The following SPTBN4 variants were observed in gnomAD, a reference collection of about 807,000 sequenced individuals.
SPTBN4 encodes the protein spectrin beta, non-erythrocytic 4, also known as spectrin beta chain, non-erythrocytic 4.
Under a neutral mutation model 277.8 loss-of-function variants are expected in SPTBN4, and 96 were observed. The ratio of observed to expected loss-of-function variants is 0.35; its 90% CI spans 0.29 to 0.41. The LOEUF (loss-of-function observed/expected upper bound fraction) is 0.41. SPTBN4 is among the 10% of genes least tolerant of loss of function. The pLI is 1.00. For missense variants in SPTBN4, 3,006 were observed against 3,595.7 expected, an observed-to-expected ratio of 0.84 and a Z score of 4.19; for synonymous variants, 1,481 against 1,580.3, an observed-to-expected ratio of 0.94 and a Z score of 1.49.
chr19:40,530,626 A>AC (rs2080655671), intron 18 of SPTBN4: 1 of 944,116 alleles, frequency 1.1e-6, no homozygotes, highest in African/African-American at 1.9e-5. Flanking sequence ...GTTGGCGCGC[A>AC]CCCCGCGGAC....
At chr19:40,487,042 CTT>C (rs555955126) in intron 2 of SPTBN4, among the ~76,000 whole-genome samples, 2 of 139,358 alleles carry the variant, frequency 1.4e-5, no homozygotes. Context: ...GCTGGACTCT[CTT>C]TTTTTTTTTT....
chr19:40,504,148 CGGGGA>C lies in SPTBN4; in HGVS notation c.1665+17_1665+21del. Reference sequence around the variant, plus strand: ...GGAGATGCAGGTGCCGGCGGGGGGGCGGGGATGCGGGTGGAGTGCCAGGAGGGAGG... The same window carrying C: ...GGAGATGCAGGTGCCGGCGGGGGGGCTGCGGGTGGAGTGCCAGGAGGGAGG... On this transcript the variant is annotated intron_variant, in intron 12 of 35. Coordinates refer to ENST00000598249, the MANE Select transcript of SPTBN4 (RefSeq NM_020971.3). The C allele has an allele frequency of 3.7e-5, 24 of 645,482 alleles. No homozygotes were observed. The highest frequency in any genetic ancestry group is 7.5e-5 in the African/African-American group (1 of 13,328). 40.0% of individuals were successfully genotyped at this position (645,482 alleles called of 1,614,324 possible). A position where few individuals can be genotyped will look rare whatever the true frequency, so the allele number is the denominator to read the frequency against.
intron 20 of SPTBN4, among the ~76,000 whole-genome samples, chr19:40,546,049 C>CAAAAAAAAAAAAA: frequency 1.1e-5 from 1 of 91,788 alleles, no homozygotes; most frequent in Non-Finnish European, 2.1e-5. Flanking sequence ...GACTCTGCCT[C>CAAAAAAAAAAAAA]AAAAAAAAAA....
intron 13 of SPTBN4, among the ~76,000 whole-genome samples, chr19:40,510,025 G>A (rs955687803): frequency 5.3e-5 from 8 of 152,098 alleles, no homozygotes; most frequent in Non-Finnish European, 8.8e-5. Flanking sequence ...CAGCAGCTCC[G>A]AGAATACAGC....
At chr19:40,565,299 A>T (rs1480662557) in intron 27 of SPTBN4, 124 bp from the exon 28 acceptor site, 1 of 1,169,838 alleles carries the variant, frequency 8.5e-7, no homozygotes, top group Non-Finnish European at 1.2e-6. Flanking sequence ...AAGAAAAGAA[A>T]GTAAGTGTCT....
Position 40,523,629 on chromosome 19 carries a change from C to G in SPTBN4, c.3847C>G (p.Leu1283Val). 1 of 1,611,040 alleles carries G rather than the reference C, an allele frequency of 6.2e-7. No individual in the cohort carries two copies. The highest frequency in any genetic ancestry group is 8.5e-7 in the Non-Finnish European group (1 of 1,178,036). The change falls in exon 17 of 36, where the codon CTG (leucine) becomes GTG (valine). Residue 1283 changes from leucine to valine, a missense_variant. Physicochemically the swap from Leu to Val is conservative, Grantham distance 32. Around this residue, in one of 5 missense-constraint regions of SPTBN4, gnomAD observed 1,759 missense variants for 2,061.5 expected, o/e 0.85. Coordinates refer to ENST00000598249, the MANE Select transcript of SPTBN4 (RefSeq NM_020971.3). ...GCAGGCTCAGGAGGCTGTGACCCGGCTGCTGGAGAAGTAGGTCCCCTAGAC... is the reference window on the plus strand; with the variant it reads ...GCAGGCTCAGGAGGCTGTGACCCGGGTGCTGGAGAAGTAGGTCCCCTAGAC... ...GEQAQEAVTRLLEKNQENQLR... is the reference protein window; with the variant it reads ...GEQAQEAVTRVLEKNQENQLR...
intron 15 of SPTBN4, among the ~76,000 whole-genome samples, chr19:40,516,536 G>T (rs2080462750): frequency 6.6e-6 from 1 of 152,040 alleles, no homozygotes. Flanking sequence ...TACAACTCCT[G>T]GGCTCGGCTG....
intron 2 of SPTBN4, among the ~76,000 whole-genome samples, chr19:40,485,298 C>T (rs564964748): frequency 6.6e-6 from 1 of 152,170 alleles, no homozygotes; most frequent in South Asian, 2.1e-4. Flanking sequence ...TACAGATGTG[C>T]GCCACTAAGT....
At chr19:40,522,476 C>T (rs2080539029) in intron 16 of SPTBN4, among the ~76,000 whole-genome samples, 1 of 151,522 alleles carries the variant, frequency 6.6e-6, no homozygotes, top group African/African-American at 2.4e-5. Flanking sequence ...CCTCAGCCTC[C>T]TGAGTAGCTG....
intron 35 of SPTBN4, among the ~76,000 whole-genome samples, chr19:40,574,512 C>T (rs944107036): frequency 6.6e-6 from 1 of 151,992 alleles, no homozygotes; most frequent in Non-Finnish European, 1.5e-5. Context: ...CAGGCTTGCG[C>T]CACCATGCCC....
intron 12 of SPTBN4, among the ~76,000 whole-genome samples, chr19:40,505,433 T>C (rs1227652101): frequency 6.7e-6 from 1 of 148,530 alleles, no homozygotes; most frequent in African/African-American, 2.5e-5. Context: ...GGCTCACACC[T>C]GTAATCCCAG....
At chr19:40,575,019 A>AG (rs2145967418) in intron 35 of SPTBN4, among the ~76,000 whole-genome samples, 1 of 151,862 alleles carries the variant, frequency 6.6e-6, no homozygotes, top group East Asian at 1.9e-4. Context: ...TGTCTCAAAA[A>AG]AAAAAAAAAA....
chr19:40,572,426 C>A (rs746118045), intron 35 of SPTBN4, 46 bp downstream of exon 35: 1 of 1,610,728 alleles, frequency 6.2e-7, no homozygotes, highest in South Asian at 1.1e-5. Flanking sequence ...TCAGTAATGA[C>A]CTGGCTGTCT....
rs767657039 is a variant in SPTBN4 at position 40,534,124 on chromosome 19, C to T, written c.4140C>T (p.Ser1380=). 1.4e-5 allele frequency: 23 copies of T among 1,610,176 alleles called. No individual in the cohort carries two copies. The highest frequency in any genetic ancestry group is 5.0e-5 in the Admixed American group (3 of 59,772). Residue 1380 remains serine, a synonymous_variant, in exon 20 of 36, where the codon TCC becomes TCT. Transcript: ENST00000598249. The part of the protein sequence containing the change: ...LMQEKPELAA[S]VRKKLGEIRQ... ...AGGAGAAGCCCGAACTGGCGGCCTC[C>T]GTGCGGAAGAAGCTGGGCGAGATCC...
In SPTBN4 at chr19:40,503,845, G is replaced by A; in HGVS notation, c.1378G>A (p.Glu460Lys). The A allele has an allele frequency of 6.3e-7, 1 of 1,590,546 alleles. No individual in the cohort carries two copies. Among genetic ancestry groups the A allele is most frequent in the Non-Finnish European group, 8.6e-7 (1 of 1,165,050 alleles). Residue 460 changes from glutamate to lysine, a missense_variant, in exon 12 of 36, where the codon GAG becomes AAG. By Grantham distance (56) the Glu-to-Lys change is moderately conservative (BLOSUM62 1). Transcript: ENST00000598249. ...RLVSQDNFGY[E>K]LPAVEAAMKK... Reference sequence around the variant, plus strand: ...ACTGCCCCAGGACAACTTTGGGTATGAGCTGCCCGCAGTGGAGGCAGCCAT... The same window carrying A: ...ACTGCCCCAGGACAACTTTGGGTATAAGCTGCCCGCAGTGGAGGCAGCCAT...
rs2080888900 is a variant in SPTBN4 at position 40,549,176 on chromosome 19, T to G, written c.4360-13T>G. ...GCGGGTGGGGCCCATTGACCCTGCC[T>G]CTGTCCCCACAGTCCATGGAGTCGC... is the stretch of plus-strand genomic sequence containing the variant. On this transcript the variant is annotated splice_polypyrimidine_tract_variant and intron_variant, in intron 20 of 35. Transcript: ENST00000598249. The G allele has an allele frequency of 1.8e-5, 28 of 1,535,016 alleles. No homozygotes were observed. The highest frequency in any genetic ancestry group is 2.5e-5 in the Non-Finnish European group (28 of 1,140,042).
chr19:40,494,843 C>G, intron 5 of SPTBN4, 54 bp from the exon 6 acceptor site: 1 of 1,534,776 alleles, frequency 6.5e-7, no homozygotes, highest in Non-Finnish European at 9.0e-7. Flanking sequence ...TTTCCCCTTT[C>G]TTCCCTCCTA....
rs1241183482 is a variant in SPTBN4 at position 40,501,922 on chromosome 19, T to C, written c.786T>C (p.Asp262=). 1.9e-6 allele frequency: 3 copies of C among 1,613,982 alleles called. No individual in the cohort carries two copies. Among genetic ancestry groups the C allele is most frequent in the Non-Finnish European group, 2.5e-6 (3 of 1,179,870 alleles). The change falls in exon 8 of 36, where the codon GAT becomes GAC. Residue 262 remains aspartate (D), a splice_region_variant and synonymous_variant. Coordinates refer to ENST00000598249, the MANE Select transcript of SPTBN4 (RefSeq NM_020971.3). ...LGLARLLDPE[D]VNMEAPDEKS... ...TTCCCCACTCCCTCTTGCTTCCAGA[T>C]GTGAACATGGAGGCTCCAGATGAGA...
At position 40,506,322 on chromosome 19, in the gene SPTBN4, T is replaced by C; in HGVS notation, c.1752T>C (p.Ile584=). ...AGCATGGACTGCTGGAGGGAGACAT[T>C]GCCGCCCAGAGCGAGCGGGTGGAGG... ...LQKHGLLEGD[I]AAQSERVEAL... Residue 584 remains isoleucine, a synonymous_variant, in exon 13 of 36, where the codon ATT becomes ATC. Coordinates refer to ENST00000598249, the MANE Select transcript of SPTBN4 (RefSeq NM_020971.3). 6.2e-7 allele frequency: 1 copy of C among 1,614,128 alleles called. No homozygotes were observed. The highest frequency in any genetic ancestry group is 8.5e-7 in the Non-Finnish European group (1 of 1,179,982).
Sources: allele counts gnomAD v4.1 joint callset (sites outside exome capture counted in the v4.1 genomes callset), GRCh38; gene constraint gnomAD v4.1.1; regional missense constraint gnomAD v4.1.1; transcripts MANE v1.5; gene names NCBI Gene and HGNC (gene_info 2026-07-23, HGNC 2026-07-21).